The following SORCS1 variants were observed in gnomAD, a reference collection of about 807,000 sequenced individuals.
SORCS1 encodes VPS10 domain-containing receptor SorCS1.
A neutral mutation model predicts 146.1 loss-of-function variants in SORCS1; 60 were observed. The ratio of observed to expected loss-of-function variants is 0.41; its 90% CI spans 0.33 to 0.51. The LOEUF (loss-of-function observed/expected upper bound fraction) is 0.51, where lower values mean the gene tolerates loss of function less well. Ranked by LOEUF, SORCS1 falls within the 20% of genes least tolerant of loss-of-function variation. The probability of loss-of-function intolerance (pLI) is 0.21; values close to 1 mark genes in which losing one functional copy is unlikely to be tolerated. For synonymous variants in SORCS1, 637 were observed against 584.0 expected, an observed-to-expected ratio of 1.09 and a Z score of -1.31; for missense variants, 1,352 against 1,487.6, an observed-to-expected ratio of 0.91 and a Z score of 1.50.
At chr10:107,027,865 C>T (rs570667671) in intron 1 of SORCS1, among the ~76,000 whole-genome samples, 7 of 152,294 alleles carry the variant, frequency 4.6e-5, no homozygotes, top group African/African-American at 1.7e-4. Flanking sequence ...TACTCGTTGG[C>T]CTGCCTGTCA....
At chr10:106,705,107 A>C (rs919768887) in intron 8 of SORCS1, among the ~76,000 whole-genome samples, 4 of 152,212 alleles carry the variant, frequency 2.6e-5, no homozygotes, top group Middle Eastern at 3.2e-3. Flanking sequence ...GGAGAAAAAA[A>C]AAACAAACAC....
intron 1 of SORCS1, among the ~76,000 whole-genome samples, chr10:107,125,286 TTTATTTCAGAAAGGCC>T (rs1305887895): frequency 6.6e-6 from 1 of 152,296 alleles, no homozygotes; most frequent in East Asian, 1.9e-4. Flanking sequence ...GCCCATTTTC[TTTATTTCAGAAAGGCC>T]TAGAAGTTTC....
intron 2 of SORCS1, among the ~76,000 whole-genome samples, chr10:106,836,450 G>C (rs2137081132): frequency 6.7e-6 from 1 of 149,574 alleles, no homozygotes; most frequent in East Asian, 2.0e-4. Context: ...ACTCCAGCCT[G>C]GGCGATAGAG....
At chr10:107,179,996 A>G in the SORCS1 span, among the ~76,000 whole-genome samples, 2 of 140,078 alleles carry the variant, frequency 1.4e-5, no homozygotes, top group South Asian at 2.2e-4. Flanking sequence ...ACCTCACTGA[A>G]GCCTCAACCT....
intron 3 of SORCS1, among the ~76,000 whole-genome samples, chr10:106,805,199 G>A (rs774081676): frequency 6.6e-6 from 1 of 151,964 alleles, no homozygotes; most frequent in African/African-American, 2.4e-5. Context: ...AACTAAAATG[G>A]TGTTTAGAGA....
intron 5 of SORCS1, among the ~76,000 whole-genome samples, chr10:106,732,189 C>T (rs745773732): frequency 6.6e-6 from 1 of 152,166 alleles, no homozygotes; most frequent in Non-Finnish European, 1.5e-5. Context: ...AACATTAAAT[C>T]CTACTTTGTT....
At chr10:107,053,989 G>T (rs1312299934) in intron 1 of SORCS1, among the ~76,000 whole-genome samples, 1 of 152,138 alleles carries the variant, frequency 6.6e-6, no homozygotes, top group East Asian at 1.9e-4. Flanking sequence ...ATAAAAAACT[G>T]CTGATACCTG....
intron 3 of SORCS1, among the ~76,000 whole-genome samples, chr10:106,818,752 C>A (rs533759159): frequency 1.3e-5 from 2 of 152,164 alleles, no homozygotes; most frequent in Non-Finnish European, 2.9e-5. Flanking sequence ...CTGAAAACTA[C>A]GTCAAGATAT....
At position 106,706,310 on chromosome 10, in the gene SORCS1, GGAAA is replaced by G. The variant is rs1023737103; in HGVS notation, c.1233+231_1233+234del. Among the ~76,000 whole-genome samples the G allele has an allele frequency of 4.1e-5, 6 of 147,470 alleles. No homozygotes were observed. In the East Asian group the frequency reaches 6.0e-4, roughly 15 times the overall value. On this transcript the variant is annotated intron_variant, in intron 8 of 25. Coordinates refer to ENST00000263054, the MANE Select transcript of SORCS1 (RefSeq NM_052918.5). ...AGGAGAAAGAGAAAGAAAGAAAGAA[GGAAA>G]GAAAGAAAGGAAGAGAGAGAGAGAA...
At chr10:106,761,564 G>A (rs748185169) in intron 5 of SORCS1, 24 bp downstream of exon 5, 9 of 1,599,758 alleles carry the variant, frequency 5.6e-6, no homozygotes, top group Non-Finnish European at 7.7e-6. Flanking sequence ...ATCTTAATGT[G>A]CTACAAGATA....
chr10:106,830,385 CTTA>C (rs1948486871), intron 2 of SORCS1, among the ~76,000 whole-genome samples: 1 of 152,070 alleles, frequency 6.6e-6, no homozygotes. Flanking sequence ...GAATTTTAAT[CTTA>C]TTATATCATC....
At chr10:106,777,241 CA>C (rs1860510563) in intron 3 of SORCS1, among the ~76,000 whole-genome samples, 1 of 152,196 alleles carries the variant, frequency 6.6e-6, no homozygotes, top group Non-Finnish European at 1.5e-5. Context: ...AGGAATTTCA[CA>C]AAGGCTATTT....
intron 1 of SORCS1, among the ~76,000 whole-genome samples, chr10:107,101,455 G>A (rs2134383015): frequency 6.6e-6 from 1 of 152,302 alleles, no homozygotes; most frequent in Admixed American, 6.5e-5. Flanking sequence ...GGTTCACTGT[G>A]TTTAAACTCT....
intron 2 of SORCS1, among the ~76,000 whole-genome samples, chr10:106,882,194 T>C (rs962671146): frequency 2.2e-4 from 33 of 152,172 alleles, no homozygotes; most frequent in African/African-American, 7.5e-4. Context: ...ATCTTTTGAC[T>C]TCCCTAGGCC....
intron 16 of SORCS1, among the ~76,000 whole-genome samples, chr10:106,668,189 C>A (rs187627860): frequency 1.3e-5 from 2 of 152,178 alleles, no homozygotes; most frequent in South Asian, 2.1e-4. Context: ...GAGTTTAACA[C>A]GGCCACATGT....
chr10:107,088,929 G>T (rs1367635608), intron 1 of SORCS1, among the ~76,000 whole-genome samples: 2 of 151,822 alleles, frequency 1.3e-5, no homozygotes, highest in Non-Finnish European at 2.9e-5. Context: ...ATATGAGCAA[G>T]TTATTATTTG....
At chr10:106,659,381 C>T (rs1425135743) in intron 17 of SORCS1, among the ~76,000 whole-genome samples, 1 of 152,186 alleles carries the variant, frequency 6.6e-6, no homozygotes, top group Non-Finnish European at 1.5e-5. Context: ...CATATGGCCA[C>T]ACACACTTCA....
chr10:106,790,305 A>G (rs945140048), intron 3 of SORCS1, among the ~76,000 whole-genome samples: 1 of 151,466 alleles, frequency 6.6e-6, no homozygotes, highest in African/African-American at 2.5e-5. Context: ...TGCTCACCAC[A>G]CAGAAAGCCA....
chr10:107,180,998 A>G, the SORCS1 span, among the ~76,000 whole-genome samples: 1 of 152,360 alleles, frequency 6.6e-6, no homozygotes, highest in African/African-American at 2.4e-5. Context: ...ATTTAAAGAT[A>G]GAAAAGGTAC....
Sources: allele counts gnomAD v4.1 joint callset (sites outside exome capture counted in the v4.1 genomes callset), GRCh38; gene constraint gnomAD v4.1.1; transcripts MANE v1.5; gene names NCBI Gene and HGNC (gene_info 2026-07-23, HGNC 2026-07-21).